The following PDE8B variants were observed in gnomAD, a reference collection of about 807,000 sequenced individuals.
PDE8B encodes the protein high affinity cAMP-specific and IBMX-insensitive 3',5'-cyclic phosphodiesterase 8B.
A neutral mutation model predicts 101.3 loss-of-function variants in PDE8B; 26 were observed. That is an observed-to-expected ratio of 0.26 (90% CI 0.19 to 0.36). The LOEUF is 0.36. PDE8B is among the 10% of genes least tolerant of loss of function. The pLI, the probability that PDE8B is intolerant of heterozygous loss-of-function variation, is 1.00. For missense variants in PDE8B, 810 were observed against 1,163.1 expected (o/e 0.70, Z 4.42); for synonymous variants, 424 against 429.3 (o/e 0.99, Z 0.15).
intron 1 of PDE8B, among the ~76,000 whole-genome samples, chr5:77,257,079 C>T (rs1458741192): frequency 6.6e-6 from 1 of 151,942 alleles, no homozygotes; most frequent in East Asian, 1.9e-4. Flanking sequence ...AATAAACTAA[C>T]ATAGAAGATA....
At chr5:77,173,055 C>G in the PDE8B span, among the ~76,000 whole-genome samples, 1 of 152,128 alleles carries the variant, frequency 6.6e-6, no homozygotes, top group Non-Finnish European at 1.5e-5. Context: ...GAGGTGGTAC[C>G]ATCAGCCAAT....
intron 1 of PDE8B, among the ~76,000 whole-genome samples, chr5:77,288,655 C>T (rs1208001928): frequency 6.6e-6 from 1 of 152,100 alleles, no homozygotes; most frequent in Non-Finnish European, 1.5e-5. Flanking sequence ...CAGCCTTCAC[C>T]ATCCTTTGTC....
chr5:77,277,793 C>T (rs940056060), intron 1 of PDE8B, among the ~76,000 whole-genome samples: 5 of 152,214 alleles, frequency 3.3e-5, no homozygotes, highest in Admixed American at 1.3e-4. Flanking sequence ...AAAGACTTCC[C>T]AGTGAGCAAA....
chr5:77,095,778 G>A, the PDE8B span, among the ~76,000 whole-genome samples: 4 of 152,164 alleles, frequency 2.6e-5, no homozygotes, highest in African/African-American at 9.6e-5. Flanking sequence ...GTAAAGTATC[G>A]ATGATTTTAC....
chr5:77,129,367 C>T, the PDE8B span, among the ~76,000 whole-genome samples: 2 of 152,160 alleles, frequency 1.3e-5, no homozygotes, highest in African/African-American at 4.8e-5. Context: ...CTTGGGAGAT[C>T]TTTACCGAGA....
intron 1 of PDE8B, among the ~76,000 whole-genome samples, chr5:77,288,778 T>C (rs1766602389): frequency 6.6e-6 from 1 of 152,032 alleles, no homozygotes; most frequent in African/African-American, 2.4e-5. Flanking sequence ...AATATGTGAG[T>C]TGGGGTAAAA....
the PDE8B span, among the ~76,000 whole-genome samples, chr5:77,160,164 T>C: frequency 0.084 from 12,853 of 152,146 alleles, 665 homozygotes; most frequent in African/African-American, 0.15. Context: ...ATTGTACCAA[T>C]TTACATTCCT....
At chr5:77,217,734 G>A (rs981293581) in intron 1 of PDE8B, among the ~76,000 whole-genome samples, 1 of 151,924 alleles carries the variant, frequency 6.6e-6, no homozygotes, top group Non-Finnish European at 1.5e-5. Flanking sequence ...ATGGGGTCTC[G>A]CCACGTTACC....
chr5:77,380,509 G>A (rs961579459), intron 10 of PDE8B, among the ~76,000 whole-genome samples: 7 of 152,156 alleles, frequency 4.6e-5, no homozygotes, highest in African/African-American at 7.2e-5. Flanking sequence ...GCATTTTACC[G>A]TGAAACACTG....
At chr5:77,357,772 C>T (rs530162788) in intron 10 of PDE8B, among the ~76,000 whole-genome samples, 1 of 152,368 alleles carries the variant, frequency 6.6e-6, no homozygotes, top group Admixed American at 6.5e-5. Context: ...GGCAGGCTGA[C>T]GCCATCTTTC....
intron 9 of PDE8B, among the ~76,000 whole-genome samples, chr5:77,352,761 A>G (rs953029414): frequency 1.3e-5 from 2 of 152,186 alleles, no homozygotes; most frequent in Non-Finnish European, 2.9e-5. Flanking sequence ...TGATTTTTGC[A>G]TGGGGCTGAG....
At chr5:77,217,066 G>T (rs1280999181) in intron 1 of PDE8B, among the ~76,000 whole-genome samples, 1 of 152,166 alleles carries the variant, frequency 6.6e-6, no homozygotes, top group African/African-American at 2.4e-5. Flanking sequence ...GATGACTAAT[G>T]ATATTAAAAT....
At chr5:77,257,726 A>G (rs1047974749) in intron 1 of PDE8B, among the ~76,000 whole-genome samples, 1 of 152,104 alleles carries the variant, frequency 6.6e-6, no homozygotes. Flanking sequence ...TTACATATGT[A>G]AACATGTGCC....
At chr5:77,178,731 C>A in the PDE8B span, among the ~76,000 whole-genome samples, 1 of 152,156 alleles carries the variant, frequency 6.6e-6, no homozygotes, top group African/African-American at 2.4e-5. Context: ...ACTCTGAAAG[C>A]GGCAATCAAT....
intron 1 of PDE8B, among the ~76,000 whole-genome samples, chr5:77,301,557 A>G (rs1274026264): frequency 6.6e-6 from 1 of 152,218 alleles, no homozygotes; most frequent in African/African-American, 2.4e-5. Context: ...AATCAGAGCT[A>G]GACTGTTCTT....
At chr5:77,290,647 A>T in intron 1 of PDE8B, 1 of 1,510,016 alleles carries the variant, frequency 6.6e-7, no homozygotes, top group Non-Finnish European at 9.2e-7. Context: ...GATATCTGTG[A>T]CTATGCTGTT....
At chr5:77,301,102 A>G (rs748928580) in intron 1 of PDE8B, among the ~76,000 whole-genome samples, 1 of 152,180 alleles carries the variant, frequency 6.6e-6, no homozygotes, top group African/African-American at 2.4e-5. Context: ...GACACACCAG[A>G]GTCGGGAAAG....
In PDE8B at chr5:77,351,185, A is replaced by G. The variant is rs75632019; in HGVS notation, c.1106+32A>G. On this transcript the variant is annotated intron_variant, in intron 9 of 21. Transcript: ENST00000264917. ...GCAAACTGTTCAACTCTTTTAGCTG[A>G]AGATAAAGACTCAAGGCCCTCATGG... 1.0e-3 allele frequency: 1,545 copies of G among 1,520,880 alleles called. 18 individuals are homozygous for G. The African/African-American group carries it at 0.019, about 19-fold the overall frequency. The allele number at this position is 1,520,880 out of a possible 1,614,324, so 94.2% of individuals were successfully genotyped here. A position where few individuals can be genotyped will look rare whatever the true frequency, so the allele number is the denominator to read the frequency against.
chr5:77,404,414 C>T (rs564550376), intron 11 of PDE8B, among the ~76,000 whole-genome samples: 26 of 152,302 alleles, frequency 1.7e-4, no homozygotes, highest in African/African-American at 6.3e-4. Context: ...AGGTGTGAGG[C>T]CCTGCGCCCG....
Sources: gnomAD v4.1 joint callset for allele counts (sites outside exome capture counted in the v4.1 genomes callset) on GRCh38, gnomAD v4.1.1 for gene constraint, MANE v1.5 for transcripts, NCBI Gene and HGNC (gene_info 2026-07-23, HGNC 2026-07-21) for gene names.